Variants in CLK4 observed in about 807,000 individuals in gnomAD.
The protein encoded by CLK4 is dual specificity protein kinase CLK4.
Under a neutral mutation model 64.4 loss-of-function variants are expected in CLK4, and 37 were observed. That is an observed-to-expected ratio of 0.57 (90% CI 0.44 to 0.76). CLK4 has a LOEUF of 0.76. Among genes scored for constraint, CLK4 ranks in the 30% least tolerant of loss-of-function variants. The pLI is 0.00. For missense variants in CLK4, 457 were observed against 605.1 expected, an observed-to-expected ratio of 0.76 and a Z score of 2.57; for synonymous variants, 175 against 191.6, an observed-to-expected ratio of 0.91 and a Z score of 0.72.
chr5:178,619,752 C>T (rs1359438269), intron 2 of CLK4: 3 of 1,268,666 alleles, frequency 2.4e-6, no homozygotes, highest in Non-Finnish European at 2.1e-6. Flanking sequence ...CTCAGGATGT[C>T]AATGGATCCC....
chr5:178,618,699 A>G lies in CLK4; in HGVS notation c.241T>C (p.Cys81Arg), dbSNP rs1468428364. 2 of 1,614,040 alleles carry G rather than the reference A, an allele frequency of 1.2e-6. No homozygotes were observed. Among genetic ancestry groups the G allele is most frequent in the Non-Finnish European group, 1.7e-6 (2 of 1,179,944 alleles). ...TAATGTCTAGGAACATATCCTTCACAGTAGTCATTCCTGTATTCGTCAACG... is the reference window on the plus strand; with the variant it reads ...TAATGTCTAGGAACATATCCTTCACGGTAGTCATTCCTGTATTCGTCAACG... ...RYVDEYRNDY[C>R]EGYVPRHYHR... The change falls in exon 3 of 13, where the codon TGT becomes CGT. Residue 81 changes from cysteine (C) to arginine (R), a missense_variant. Transcript: ENST00000316308.
Position 178,617,363 on chromosome 5 carries a change from T to C in CLK4, c.456A>G (p.Gly152=). The stretch of plus-strand genomic sequence containing the variant: ...CTATACATCTTGCTCTTAGAACGTC[T>C]CCACTTTGACAGATCAGGTGACCCT... ...DEEGHLICQS[G]DVLRARYEIV... Residue 152 remains glycine (G), a synonymous_variant, in exon 4 of 13, where the codon GGA becomes GGG. Transcript: ENST00000316308. The surrounding 1 kb of genome is among the most constrained non-coding windows in gnomAD (Gnocchi z 5.2). The C allele has an allele frequency of 6.2e-7, 1 of 1,613,428 alleles. No homozygotes were observed. Among genetic ancestry groups the C allele is most frequent in the Non-Finnish European group, 8.5e-7 (1 of 1,179,356 alleles).
At chr5:178,609,527 A>G (rs972975688) in intron 9 of CLK4, among the ~76,000 whole-genome samples, 17 of 150,966 alleles carry the variant, frequency 1.1e-4, no homozygotes, top group Non-Finnish European at 2.1e-4. Flanking sequence ...CTAAAAATAC[A>G]AAAAAATTAG....
In CLK4 at chr5:178,608,152, A is replaced by G. The variant is rs375780041; in HGVS notation, c.1134+224T>C. Among the ~76,000 whole-genome samples the G allele has an allele frequency of 3.4e-3, 516 of 152,312 alleles. 1 individual carries two copies. Among genetic ancestry groups the G allele is most frequent in the African/African-American group, 0.011 (465 of 41,572 alleles). On this transcript the variant is annotated intron_variant, in intron 10 of 12. Transcript: ENST00000316308. ...AGGAGACAGTATGAACCATATATGA[A>G]CCATGTGTTACAAACACTAATCACA...
intron 7 of CLK4, 52 bp from the exon 8 acceptor site, chr5:178,612,942 ACTAGG>A: frequency 1.1e-6 from 1 of 919,668 alleles, no homozygotes; most frequent in Non-Finnish European, 1.7e-6. Flanking sequence ...CTTAATTTGT[ACTAGG>A]AGGGAAAGGA....
rs1029574438 is a variant in CLK4, at chr5:178,627,036, G to A, written c.-91C>T. ...CGCTGCGACAAACACCCCACAAAAT[G>A]GCGGCAGCGCCGTCGCCCTAGAATC... On this transcript the variant is annotated 5_prime_UTR_variant, in exon 1 of 13. Transcript: ENST00000316308. 1 of 152,768 alleles carries A rather than the reference G, an allele frequency of 6.5e-6. No homozygotes were observed. Among genetic ancestry groups the A allele is most frequent in the Non-Finnish European group, 1.5e-5 (1 of 68,124 alleles). The allele number at this position is 152,768 out of a possible 1,614,324, so 9.5% of individuals were successfully genotyped here.
chr5:178,610,471 C>T (rs1764540947), intron 9 of CLK4, among the ~76,000 whole-genome samples: 1 of 152,046 alleles, frequency 6.6e-6, no homozygotes, highest in Non-Finnish European at 1.5e-5. Flanking sequence ...ACATTTTCCC[C>T]TCCAATTGCA....
At chr5:178,622,981 G>C (rs1380581474) in intron 2 of CLK4, 1 of 353,114 alleles carries the variant, frequency 2.8e-6, no homozygotes, top group Non-Finnish European at 5.2e-6. Flanking sequence ...CTGGCAGTTG[G>C]GACTCACCAT....
At position 178,606,760 on chromosome 5, in the gene CLK4, C is replaced by T. The variant is rs34478519; in HGVS notation, c.1135-1378G>A. ...GGTAGATCACTTGAGGTCAGGAGTT[C>T]GAGACCAGCCTGGTCAACACAGCAA... is the stretch of plus-strand genomic sequence containing the variant. On this transcript the variant is annotated intron_variant, in intron 10 of 12. Coordinates refer to ENST00000316308, the MANE Select transcript of CLK4 (RefSeq NM_020666.3). 1.4e-4 allele frequency among the ~76,000 whole-genome samples: 22 copies of T among 152,054 alleles called. No individual in the cohort carries two copies. In the East Asian group the frequency reaches 3.5e-3, roughly 24 times the overall value.
intron 9 of CLK4, among the ~76,000 whole-genome samples, chr5:178,611,916 CCTT>C (rs1459127768): frequency 6.6e-6 from 1 of 152,122 alleles, no homozygotes; most frequent in East Asian, 1.9e-4. Context: ...TTAATAAGTC[CCTT>C]CTTATTTGAA....
Position 178,603,581 on chromosome 5 carries a change from C to A in CLK4, c.*36G>T. ...CTGACACAGTCTTAAGTAATCTCTT[C>A]TAGAGAAGTATATAGTAAGACCACT... is the stretch of plus-strand genomic sequence containing the variant. On this transcript the variant is annotated 3_prime_UTR_variant, in exon 13 of 13. Coordinates refer to ENST00000316308, the MANE Select transcript of CLK4 (RefSeq NM_020666.3). 1.4e-6 allele frequency: 2 copies of A among 1,463,682 alleles called. No individual in the cohort carries two copies. Among genetic ancestry groups the A allele is most frequent in the South Asian group, 1.4e-5 (1 of 70,992 alleles). 90.7% of individuals were successfully genotyped at this position (1,463,682 alleles called of 1,614,324 possible).
chr5:178,626,643 G>A (rs1387061600), intron 1 of CLK4, among the ~76,000 whole-genome samples: 2 of 152,356 alleles, frequency 1.3e-5, no homozygotes, highest in African/African-American at 2.4e-5. Flanking sequence ...CCCGCCGGCT[G>A]GAAGAGGTCC....
At chr5:178,614,120 T>C (rs1764594884) in intron 5 of CLK4, among the ~76,000 whole-genome samples, 1 of 152,240 alleles carries the variant, frequency 6.6e-6, no homozygotes, top group Admixed American at 6.5e-5. Context: ...TTAAAAGATA[T>C]ATACAAATGT....
At chr5:178,615,964 G>A (rs147325610) in intron 5 of CLK4, among the ~76,000 whole-genome samples, 24 of 152,264 alleles carry the variant, frequency 1.6e-4, no homozygotes, top group African/African-American at 5.8e-4. Context: ...TCTGTAATCC[G>A]AAATTGCCAA....
chr5:178,612,171 T>C (rs1764566519), intron 9 of CLK4, among the ~76,000 whole-genome samples: 1 of 152,238 alleles, frequency 6.6e-6, no homozygotes, highest in Admixed American at 6.5e-5. Context: ...GCCTGTTCTC[T>C]TATGATCATT....
chr5:178,616,993 CTG>C, intron 4 of CLK4, 45 bp from the exon 5 acceptor site: 1 of 1,250,498 alleles, frequency 8.0e-7, no homozygotes, highest in Non-Finnish European at 1.2e-6. Context: ...TGAGTACAAA[CTG>C]TCTAGTTCTT....
At position 178,603,572 on chromosome 5, in the gene CLK4, T is replaced by A; in HGVS notation, c.*45A>T. ...TTTAGTTGACTGACACAGTCTTAAG[T>A]AATCTCTTCTAGAGAAGTATATAGT... On this transcript the variant is annotated 3_prime_UTR_variant, in exon 13 of 13. Transcript: ENST00000316308. 1 of 1,382,514 alleles carries A rather than the reference T, an allele frequency of 7.2e-7. No individual in the cohort carries two copies. Among genetic ancestry groups the A allele is most frequent in the Non-Finnish European group, 9.7e-7 (1 of 1,028,708 alleles). The allele number at this position is 1,382,514 out of a possible 1,614,324, so 85.6% of individuals were successfully genotyped here.
intron 2 of CLK4, among the ~76,000 whole-genome samples, chr5:178,619,120 C>T (rs1045121365): frequency 6.6e-6 from 1 of 152,168 alleles, no homozygotes; most frequent in African/African-American, 2.4e-5. Context: ...GAGGTACAAT[C>T]AGAGGCAGGC....
At chr5:178,615,710 T>C (rs998668334) in intron 5 of CLK4, among the ~76,000 whole-genome samples, 1 of 152,192 alleles carries the variant, frequency 6.6e-6, no homozygotes, top group Non-Finnish European at 1.5e-5. Flanking sequence ...GGAAATTACA[T>C]CCTTCCCAAA....
Sources: gnomAD v4.1 joint callset for allele counts (sites outside exome capture counted in the v4.1 genomes callset) on GRCh38, gnomAD v4.1.1 for gene constraint, Gnocchi (gnomAD v3.1) non-coding constraint, MANE v1.5 for transcripts, NCBI Gene and HGNC (gene_info 2026-07-23, HGNC 2026-07-21) for gene names.